The following UPB1 variants were observed in gnomAD, a reference collection of about 807,000 sequenced individuals.
UPB1 encodes the protein beta-ureidopropionase.
UPB1 carries 40 observed loss-of-function variants against 49.1 expected under a neutral mutation model. The observed-to-expected ratio is 0.81, with a 90% CI of 0.63 to 1.06. UPB1 has a LOEUF of 1.06. Among genes scored for constraint, UPB1 ranks in the 50% least tolerant of loss-of-function variants. The pLI, the probability that UPB1 is intolerant of heterozygous loss-of-function variation, is 0.00. For missense variants in UPB1, 499 were observed against 505.9 expected (o/e 0.99, Z 0.13); for synonymous variants, 207 against 198.2 (o/e 1.04, Z -0.38).
intron 8 of UPB1, among the ~76,000 whole-genome samples, chr22:24,523,324 G>A (rs1197388060): frequency 6.6e-6 from 1 of 152,252 alleles, no homozygotes; most frequent in East Asian, 1.9e-4. Flanking sequence ...AGCCCCCAGA[G>A]TGTGACTTTC....
At chr22:24,510,193 A>G (rs1408960127) in intron 3 of UPB1, among the ~76,000 whole-genome samples, 2 of 151,032 alleles carry the variant, frequency 1.3e-5, no homozygotes, top group African/African-American at 4.9e-5. Context: ...AGATAGTGCC[A>G]TTGTACTCTG....
At chr22:24,521,179 C>CCAAAA (rs2044383887) in intron 7 of UPB1, among the ~76,000 whole-genome samples, 11 of 62,680 alleles carry the variant, frequency 1.8e-4, no homozygotes, top group Non-Finnish European at 1.5e-4. Flanking sequence ...GAGACTCTGT[C>CCAAAA]AAAAAAAAAA....
chr22:24,522,040 G>C lies in UPB1; in HGVS notation c.916+12G>C. 6.2e-7 allele frequency: 1 copy of C among 1,613,634 alleles called. No individual in the cohort carries two copies. Among genetic ancestry groups the C allele is most frequent in the Non-Finnish European group, 8.5e-7 (1 of 1,179,956 alleles). On this transcript the variant is annotated intron_variant, in intron 8 of 9. Transcript: ENST00000326010. ...AGATGGAAAGAAAGGTATGTCCCAT[G>C]AACCATGGTGGCTGCAGTTGAGGAG...
rs9624484 is a variant in UPB1, at chr22:24,499,886, G to A, written c.105-221G>A. On this transcript the variant is annotated intron_variant, in intron 1 of 9. Transcript: ENST00000326010. ...GCCTAACCGTGCTGACTCTGCTGAG[G>A]TCTCCCTGCCAATTGCAGGTAAAGT... Among the ~76,000 whole-genome samples, 1,446 of 152,274 alleles carry A rather than the reference G, an allele frequency of 9.5e-3. 32 individuals carry two copies. Among genetic ancestry groups the A allele is most frequent in the African/African-American group, 0.033 (1,379 of 41,546 alleles).
Position 24,523,685 on chromosome 22 carries a change from C to T in UPB1, c.983C>T (p.Pro328Leu). ...YVAAPDSSRT[P>L]GLSRSRDGLL... ...GCAGCCCCTGACAGCAGCCGGACTC[C>T]TGGGCTGTCCCGTAGCCGGGATGGA... The change falls in exon 9 of 10, where the codon CCT becomes CTT. Residue 328 changes from proline (P) to leucine (L), a missense_variant. By Grantham distance (98) the Pro-to-Leu change is moderately conservative (BLOSUM62 -3). Transcript: ENST00000326010. 1 of 1,614,288 alleles carries T rather than the reference C, an allele frequency of 6.2e-7. No homozygotes were observed. The highest frequency in any genetic ancestry group is 8.5e-7 in the Non-Finnish European group (1 of 1,180,050).
In UPB1 at chr22:24,514,161, G is replaced by A. The variant is rs140332; in HGVS notation, c.621+676G>A. ...AATCTGAACTTGATTTGCCATTAAT[G>A]CAGTTGTTCAGGATGTGATGTCCCC... On this transcript the variant is annotated intron_variant, in intron 5 of 9. Coordinates refer to ENST00000326010, the MANE Select transcript of UPB1 (RefSeq NM_016327.3). 7.6e-3 allele frequency among the ~76,000 whole-genome samples: 1,152 copies of A among 152,236 alleles called. 74 individuals are homozygous for A. The South Asian group carries it at 0.11, about 15-fold the overall frequency.
In UPB1 at chr22:24,528,321, A is replaced by G. The variant is rs185092952; in HGVS notation, c.*2527A>G. The G allele has an allele frequency of 6.6e-6, 1 of 152,338 alleles. No homozygotes were observed. The highest frequency in any genetic ancestry group is 1.9e-4 in the East Asian group (1 of 5,194). 9.4% of individuals were successfully genotyped at this position (152,338 alleles called of 1,614,324 possible). A position where few individuals can be genotyped will look rare whatever the true frequency, so the allele number is the denominator to read the frequency against. ...CCATCTTAGAGTATGCAGGCCCTGT[A>G]CAGCCAAGGTCATTTCAAGGTTTAA... On this transcript the variant is annotated 3_prime_UTR_variant, in exon 10 of 10. Transcript: ENST00000326010.
At chr22:24,505,983 G>A (rs1222884596) in intron 3 of UPB1, among the ~76,000 whole-genome samples, 3 of 148,468 alleles carry the variant, frequency 2.0e-5, no homozygotes, top group Non-Finnish European at 4.4e-5. Flanking sequence ...AAAGTTCTGG[G>A]ATTACAGGCG....
At position 24,502,355 on chromosome 22, in the gene UPB1, AGGAACCCCG is replaced by A. The variant is rs2044008606; in HGVS notation, c.364+144_364+152del. The A allele has an allele frequency of 7.6e-6, 7 of 921,880 alleles. No homozygotes were observed. The East Asian group carries it at 1.4e-4, about 19-fold the overall frequency. The allele number at this position is 921,880 out of a possible 1,614,324, so 57.1% of individuals were successfully genotyped here. On this transcript the variant is annotated intron_variant, in intron 3 of 9. Transcript: ENST00000326010. ...TGGAAAGTTCTCCGTCCACATCACC[AGGAACCCCG>A]GCCTCCCTGCTGTTACGCACCGAGC...
chr22:24,505,836 C>G (rs991619442), intron 3 of UPB1, among the ~76,000 whole-genome samples: 8 of 151,468 alleles, frequency 5.3e-5, no homozygotes, highest in Admixed American at 4.6e-4. Flanking sequence ...CCTCAGCCTC[C>G]TGAGTAGCTG....
chr22:24,500,293 G>A lies in UPB1; in HGVS notation c.276+15G>A, dbSNP rs1350404428. 19 of 1,613,476 alleles carry A rather than the reference G, an allele frequency of 1.2e-5. No homozygotes were observed. The highest frequency in any genetic ancestry group is 1.7e-4 in the Middle Eastern group (1 of 5,804). ...TGGCAGAACAGGTGCAGACTCTTTT[G>A]ACCATAATAAATACACAAACAGGGT... On this transcript the variant is annotated intron_variant, in intron 2 of 9. Coordinates refer to ENST00000326010, the MANE Select transcript of UPB1 (RefSeq NM_016327.3).
intron 2 of UPB1, among the ~76,000 whole-genome samples, chr22:24,501,656 C>T (rs758461846): frequency 2.0e-5 from 3 of 152,160 alleles, no homozygotes; most frequent in Admixed American, 1.3e-4. Context: ...CACCAAAGCA[C>T]GGGGATTTAA....
chr22:24,522,122 A>T, intron 8 of UPB1, 94 bp downstream of exon 8: 1 of 1,447,680 alleles, frequency 6.9e-7, no homozygotes, highest in African/African-American at 1.4e-5. Context: ...TGCCACACAG[A>T]TCACATCTGC....
intron 3 of UPB1, among the ~76,000 whole-genome samples, chr22:24,510,124 C>T (rs1016730207): frequency 2.0e-5 from 3 of 151,260 alleles, no homozygotes; most frequent in African/African-American, 4.9e-5. Context: ...CCCATCTACT[C>T]GGGAAGGCTG....
rs1433529535 is a variant in UPB1, at chr22:24,523,689, G to A, written c.987G>A (p.Gly329=). 1.9e-6 allele frequency: 3 copies of A among 1,614,260 alleles called. No homozygotes were observed. ...CCCCTGACAGCAGCCGGACTCCTGG[G>A]CTGTCCCGTAGCCGGGATGGACTGC... ...VAAPDSSRTP[G]LSRSRDGLLV... Residue 329 remains glycine (G), a synonymous_variant, in exon 9 of 10, where the codon GGG becomes GGA. Transcript: ENST00000326010.
chr22:24,525,352 C>A (rs1424560366), intron 9 of UPB1, among the ~76,000 whole-genome samples: 1 of 152,160 alleles, frequency 6.6e-6, no homozygotes, highest in Non-Finnish European at 1.5e-5. Flanking sequence ...CAAATCCCAG[C>A]CTTTTCTACA....
intron 2 of UPB1, among the ~76,000 whole-genome samples, chr22:24,501,442 C>T (rs968728853): frequency 1.3e-5 from 2 of 152,188 alleles, no homozygotes; most frequent in Admixed American, 6.5e-5. Flanking sequence ...CTGGGAGTGA[C>T]AGACAGCAGA....
At chr22:24,514,501 G>A (rs1361008668) in intron 5 of UPB1, among the ~76,000 whole-genome samples, 1 of 152,142 alleles carries the variant, frequency 6.6e-6, no homozygotes, top group East Asian at 1.9e-4. Flanking sequence ...GAGGTGGAAG[G>A]CTCCTGGAGC....
chr22:24,515,294 C>A lies in UPB1; in HGVS notation c.715C>A (p.Pro239Thr). The A allele has an allele frequency of 6.2e-7, 1 of 1,614,174 alleles. No individual in the cohort carries two copies. Among genetic ancestry groups the A allele is most frequent in the Non-Finnish European group, 8.5e-7 (1 of 1,180,046 alleles). ...AVNICYGRHH[P>T]LNWLMYSING... ...GAACATTTGCTACGGGCGGCACCACCCCCTCAACTGGCTTATGTACAGCAT... is the reference window on the plus strand; with the variant it reads ...GAACATTTGCTACGGGCGGCACCACACCCTCAACTGGCTTATGTACAGCAT... The change falls in exon 6 of 10, where the codon CCC becomes ACC. Residue 239 changes from proline (P) to threonine (T), a missense_variant. By Grantham distance (38) the Pro-to-Thr change is conservative (BLOSUM62 -1). Transcript: ENST00000326010.
Sources: gnomAD v4.1 joint callset for allele counts (sites outside exome capture counted in the v4.1 genomes callset) on GRCh38, gnomAD v4.1.1 for gene constraint, MANE v1.5 for transcripts, NCBI Gene and HGNC (gene_info 2026-07-23, HGNC 2026-07-21) for gene names.